The following ACBD6 variants were observed in gnomAD, a reference collection of about 807,000 sequenced individuals.
ACBD6 encodes the protein acyl-CoA binding domain containing 6.
Under a neutral mutation model 37.2 loss-of-function variants are expected in ACBD6, and 28 were observed. The ratio of observed to expected loss-of-function variants is 0.75; its 90% confidence interval spans 0.56 to 1.03. The LOEUF is 1.03. Among genes scored for constraint, ACBD6 ranks in the 50% least tolerant of loss-of-function variants. ACBD6 has a pLI of 0.00. For missense variants in ACBD6, 340 were observed against 337.4 expected, an observed-to-expected ratio of 1.01 and a Z score of -0.06; for synonymous variants, 113 against 126.8, an observed-to-expected ratio of 0.89 and a Z score of 0.73.
chr1:180,348,105 A>T (rs1652258986), intron 6 of ACBD6, among the ~76,000 whole-genome samples: 1 of 152,342 alleles, frequency 6.6e-6, no homozygotes, highest in South Asian at 2.1e-4. Context: ...TACTGTAGGC[A>T]GCCAATAAGT....
intron 4 of ACBD6, among the ~76,000 whole-genome samples, chr1:180,427,202 G>A (rs1052443093): frequency 6.6e-6 from 1 of 151,870 alleles, no homozygotes; most frequent in Non-Finnish European, 1.5e-5. Flanking sequence ...TTAACCAAAT[G>A]GATTTATTAG....
At chr1:180,386,733 A>G (rs1232637789) in intron 6 of ACBD6, among the ~76,000 whole-genome samples, 1 of 151,958 alleles carries the variant, frequency 6.6e-6, no homozygotes, top group Non-Finnish European at 1.5e-5. Flanking sequence ...TTCAGCTATT[A>G]TATTTGCAAT....
In ACBD6 at chr1:180,441,680, C is replaced by T. The variant is rs889007675; in HGVS notation, c.385-11418G>A. Among the ~76,000 whole-genome samples, 9 of 152,110 alleles carry T rather than the reference C, an allele frequency of 5.9e-5. No individual in the cohort carries two copies. The East Asian group carries it at 9.6e-4, about 16-fold the overall frequency. ...TTGTTTGTTTCCATTTCAGAGTATC[C>T]GCTGATGGTCTAAAGAACACAATGA... On this transcript the variant is annotated intron_variant, in intron 3 of 7. Transcript: ENST00000367595.
At chr1:180,484,691 CAATG>C (rs59708879) in intron 3 of ACBD6, among the ~76,000 whole-genome samples, 23,932 of 152,060 alleles carry the variant, frequency 0.16, 1,922 homozygotes, top group Middle Eastern at 0.22. Flanking sequence ...TCTGTGTCTA[CAATG>C]AATATGTATT....
chr1:180,404,391 G>A (rs1056650291), intron 5 of ACBD6, among the ~76,000 whole-genome samples: 5 of 151,962 alleles, frequency 3.3e-5, no homozygotes, highest in East Asian at 1.9e-4. Flanking sequence ...AAACTCCTGC[G>A]CTCAAGAATT....
intron 2 of ACBD6, among the ~76,000 whole-genome samples, chr1:180,493,269 AAAAAAAAAACAAC>A (rs1651590244): frequency 2.6e-5 from 3 of 113,552 alleles, no homozygotes; most frequent in African/African-American, 1.5e-4. Context: ...AAAAAAAAAA[AAAAAAAAAACAAC>A]AACAGCAACT....
At chr1:180,357,377 T>C (rs4651063) in intron 6 of ACBD6, among the ~76,000 whole-genome samples, 144,541 of 152,282 alleles carry the variant, frequency 0.95, 68,641 homozygotes, top group East Asian at 0.98. Flanking sequence ...AAAGAAACGG[T>C]AAGTCTTGAG....
At chr1:180,390,214 T>C (rs1048303623) in intron 6 of ACBD6, among the ~76,000 whole-genome samples, 1 of 152,026 alleles carries the variant, frequency 6.6e-6, no homozygotes, top group African/African-American at 2.4e-5. Context: ...TTCAGCTTTC[T>C]ACATATGGCT....
intron 7 of ACBD6, among the ~76,000 whole-genome samples, chr1:180,313,355 T>A (rs1650667644): frequency 6.6e-6 from 1 of 152,200 alleles, no homozygotes; most frequent in East Asian, 1.9e-4. Context: ...ATGTAGGTAG[T>A]ATAATAGCTA....
intron 13 of ACBD6, chr1:180,272,023 G>A: frequency 3.1e-6 from 5 of 1,606,656 alleles, no homozygotes; most frequent in Non-Finnish European, 4.2e-6. Flanking sequence ...AGGGCTGGAG[G>A]GGCCAGGCCG....
intron 3 of ACBD6, among the ~76,000 whole-genome samples, chr1:180,436,494 G>A (rs764426353): frequency 6.6e-6 from 1 of 152,166 alleles, no homozygotes; most frequent in Non-Finnish European, 1.5e-5. Flanking sequence ...GAGGGTGGAC[G>A]TGATAAAGCC....
At chr1:180,391,321 T>C (rs1202599686) in intron 6 of ACBD6, among the ~76,000 whole-genome samples, 1 of 152,146 alleles carries the variant, frequency 6.6e-6, no homozygotes, top group Non-Finnish European at 1.5e-5. Flanking sequence ...CATAAAAATT[T>C]AAAACTTTTA....
chr1:180,430,504 C>T (rs1346559710), intron 3 of ACBD6, among the ~76,000 whole-genome samples: 1 of 151,858 alleles, frequency 6.6e-6, no homozygotes, highest in Non-Finnish European at 1.5e-5. Flanking sequence ...CCTTCTGGAG[C>T]CACCAAAAAA....
intron 3 of ACBD6, among the ~76,000 whole-genome samples, chr1:180,440,876 G>A (rs946969082): frequency 3.9e-5 from 6 of 152,102 alleles, no homozygotes; most frequent in South Asian, 2.1e-4. Context: ...AGCATGTATC[G>A]GTTCTTCATT....
chr1:180,330,956 C>T (rs1651458066), intron 6 of ACBD6, among the ~76,000 whole-genome samples: 1 of 152,170 alleles, frequency 6.6e-6, no homozygotes, highest in Non-Finnish European at 1.5e-5. Context: ...GAAACCATTC[C>T]AAATTTGCCA....
exon 14 of ACBD6, chr1:180,270,986 C>A: frequency 3.2e-6 from 1 of 313,302 alleles, no homozygotes; most frequent in Non-Finnish European, 6.3e-6. Context: ...CGACTTTGAA[C>A]ATGACTTCAA....
chr1:180,396,480 A>G (rs997840782), intron 6 of ACBD6, among the ~76,000 whole-genome samples: 1 of 152,168 alleles, frequency 6.6e-6, no homozygotes, highest in Non-Finnish European at 1.5e-5. Flanking sequence ...CTGTGCATCA[A>G]AAGACACCAT....
At chr1:180,498,389 TTGTTC>T (rs1184897424) in intron 1 of ACBD6, among the ~76,000 whole-genome samples, 35 of 152,348 alleles carry the variant, frequency 2.3e-4, no homozygotes, top group Non-Finnish European at 2.1e-4. Context: ...TATCTGTGAG[TTGTTC>T]TGTTAAGTAA....
intron 7 of ACBD6, among the ~76,000 whole-genome samples, chr1:180,303,830 T>C (rs2149285263): frequency 6.6e-6 from 1 of 151,034 alleles, no homozygotes; most frequent in South Asian, 2.1e-4. Context: ...CCAATATCCC[T>C]GATGAATACT....
Sources: allele counts gnomAD v4.1 joint callset (sites outside exome capture counted in the v4.1 genomes callset), GRCh38; gene constraint gnomAD v4.1.1; transcripts MANE v1.5; gene names NCBI Gene and HGNC (gene_info 2026-07-23, HGNC 2026-07-21).